KCTD18: variants seen among roughly 807,000 people sequenced by gnomAD.
KCTD18 encodes BTB/POZ domain-containing protein KCTD18.
In KCTD18, 22 loss-of-function variants were observed where a neutral mutation model predicts 30.4. The ratio of observed to expected loss-of-function variants is 0.72; its 90% confidence interval spans 0.52 to 1.03. The LOEUF is 1.03. Ranked by LOEUF, KCTD18 falls within the 50% of genes least tolerant of loss-of-function variation. The probability of loss-of-function intolerance (pLI) is 0.00; values close to 1 mark genes in which losing one functional copy is unlikely to be tolerated. For missense variants in KCTD18, 529 were observed against 547.6 expected (o/e 0.97, Z 0.34); for synonymous variants, 186 against 209.0 (o/e 0.89, Z 0.95).
chr2:200,490,526 G>C lies in KCTD18; in HGVS notation c.855C>G (p.Thr285=). 6.2e-7 allele frequency: 1 copy of C among 1,605,250 alleles called. No homozygotes were observed. The highest frequency in any genetic ancestry group is 8.5e-7 in the Non-Finnish European group (1 of 1,179,966). The change falls in exon 7 of 7, where the codon ACC becomes ACG. Residue 285 remains threonine (T), a synonymous_variant. Coordinates refer to ENST00000359878, the MANE Select transcript of KCTD18 (RefSeq NM_152387.4). ...PVRFLGPSTS[T]QIKVKNSASV... ...AGGCCGAGTTCTTGACTTTAATTTGGGTACTTGTGGAAGGGCCCAAAAATC... is the reference window on the plus strand; with the variant it reads ...AGGCCGAGTTCTTGACTTTAATTTGCGTACTTGTGGAAGGGCCCAAAAATC...
chr2:200,503,224 G>A (rs533499626), intron 3 of KCTD18, among the ~76,000 whole-genome samples: 2 of 152,230 alleles, frequency 1.3e-5, no homozygotes, highest in Admixed American at 6.5e-5. Context: ...AATAGTGCCT[G>A]ACACAAACGA....
At chr2:200,508,922 CGT>C (rs2030357534) in intron 1 of KCTD18, among the ~76,000 whole-genome samples, 1 of 152,182 alleles carries the variant, frequency 6.6e-6, no homozygotes, top group African/African-American at 2.4e-5. Context: ...CTTGCATGAC[CGT>C]CCCACGTATC....
At chr2:200,492,807 A>G (rs2087938755) in intron 6 of KCTD18, among the ~76,000 whole-genome samples, 1 of 149,818 alleles carries the variant, frequency 6.7e-6, no homozygotes, top group Admixed American at 6.7e-5. Flanking sequence ...GCCACAAGAA[A>G]TTTCAAGTAT....
intron 3 of KCTD18, among the ~76,000 whole-genome samples, chr2:200,499,964 G>A (rs1193680299): frequency 6.6e-6 from 1 of 151,900 alleles, no homozygotes; most frequent in Non-Finnish European, 1.5e-5. Context: ...GGGAATGCAA[G>A]GCTGGTTCAA....
chr2:200,506,710 G>A (rs563769511), intron 2 of KCTD18, 147 bp downstream of exon 2: 8 of 622,492 alleles, frequency 1.3e-5, no homozygotes, highest in South Asian at 4.8e-5. Context: ...ATTTCTCCAC[G>A]TACTTAATGA....
chr2:200,489,047 T>G lies in KCTD18; in HGVS notation c.*1053A>C, dbSNP rs929046126. On this transcript the variant is annotated 3_prime_UTR_variant, in exon 7 of 7. Transcript: ENST00000359878. ...TTTCAAAGCAATGAAAGTACAATGA[T>G]AAGCATTTGAATAAAAAGTACCCTG... The G allele has an allele frequency of 1.9e-4, 29 of 152,534 alleles. No homozygotes were observed. Among genetic ancestry groups the G allele is most frequent in the African/African-American group, 6.5e-4 (27 of 41,466 alleles). The allele number at this position is 152,534 out of a possible 1,614,324, so 9.4% of individuals were successfully genotyped here.
intron 4 of KCTD18, 101 bp from the exon 5 acceptor site, chr2:200,497,948 G>A: frequency 1.1e-5 from 9 of 819,308 alleles, no homozygotes; most frequent in African/African-American, 1.7e-5. Context: ...GTTAATTAAG[G>A]GAAAAAACAT....
At position 200,490,324 on chromosome 2, in the gene KCTD18, C is replaced by T; in HGVS notation, c.1057G>A (p.Glu353Lys). The part of the protein sequence containing the change: ...PQASPGAASA[E>K]NGGTHLPPAK... ...GGAGGTAAGTGCGTGCCTCCATTTT[C>T]AGCGCTCGCAGCCCCAGGGGAAGCC... Residue 353 changes from glutamate (E) to lysine (K), a missense_variant, in exon 7 of 7, where the codon GAA becomes AAA. Coordinates refer to ENST00000359878, the MANE Select transcript of KCTD18 (RefSeq NM_152387.4). The T allele has an allele frequency of 1.2e-6, 2 of 1,614,242 alleles. No individual in the cohort carries two copies. Among genetic ancestry groups the T allele is most frequent in the Non-Finnish European group, 1.7e-6 (2 of 1,180,046 alleles).
intron 3 of KCTD18, among the ~76,000 whole-genome samples, chr2:200,502,283 TATA>T (rs565851093): frequency 1.3e-5 from 2 of 151,738 alleles, no homozygotes; most frequent in Non-Finnish European, 2.9e-5. Context: ...AACTTAAAAG[TATA>T]ATAATAATAA....
intron 6 of KCTD18, among the ~76,000 whole-genome samples, chr2:200,491,212 C>T (rs1196207323): frequency 1.3e-5 from 2 of 152,096 alleles, no homozygotes; most frequent in Non-Finnish European, 2.9e-5. Context: ...CACGTGGGAG[C>T]TGGCTGTTTA....
rs191716717 is a variant in KCTD18 at position 200,508,050 on chromosome 2, C to A, written c.-75-959G>T. 2.9e-4 allele frequency among the ~76,000 whole-genome samples: 44 copies of A among 152,276 alleles called. No individual in the cohort carries two copies. In the East Asian group the frequency reaches 7.7e-3, roughly 27 times the overall value. ...ATAACACCTCCAAATCATCCAGCTT[C>A]TTCACTGTGAAATGGATGAAGCTTT... is the stretch of plus-strand genomic sequence containing the variant. On this transcript the variant is annotated intron_variant, in intron 1 of 6. Transcript: ENST00000359878.
Position 200,490,120 on chromosome 2 carries a change from C to G in KCTD18, c.1261G>C (p.Gly421Arg). The change falls in exon 7 of 7, where the codon GGG (glycine) becomes CGG (arginine). Residue 421 changes from glycine to arginine, a missense_variant. Gly to Arg is a moderately radical substitution (Grantham distance 125). Coordinates refer to ENST00000359878, the MANE Select transcript of KCTD18 (RefSeq NM_152387.4). Reference protein sequence around the residue: ...ARALGVRTENGKNKGN With the variant: ...ARALGVRTENRKNKGN ...TTTCATCAATTTCCCTTGTTCTTCC[C>G]GTTCTCAGTCCGCACTCCCAAGGCA... 2 of 1,582,374 alleles carry G rather than the reference C, an allele frequency of 1.3e-6. No individual in the cohort carries two copies. The highest frequency in any genetic ancestry group is 1.1e-5 in the South Asian group (1 of 88,592).
In KCTD18 at chr2:200,498,148, C is replaced by T. The variant is rs138291306; in HGVS notation, c.567-301G>A. On this transcript the variant is annotated intron_variant, in intron 4 of 6. Transcript: ENST00000359878. ...ATATCAAGTTTTTAAAAAAAATCAG[C>T]GAACTCCAATGAACTTAGAAAATAT... is the stretch of plus-strand genomic sequence containing the variant. 2.8e-3 allele frequency among the ~76,000 whole-genome samples: 425 copies of T among 152,090 alleles called. 5 individuals are homozygous for T. Among genetic ancestry groups the T allele is most frequent in the African/African-American group, 9.4e-3 (389 of 41,488 alleles).
chr2:200,498,016 A>G, intron 4 of KCTD18, among the ~76,000 whole-genome samples, 169 bp from the exon 5 acceptor site: 1 of 152,228 alleles, frequency 6.6e-6, no homozygotes, highest in East Asian at 1.9e-4. Flanking sequence ...ACACAGATAC[A>G]TATGTACACA....
chr2:200,493,263 A>G lies in KCTD18; in HGVS notation c.673T>C (p.Trp225Arg), dbSNP rs751163160. 9 of 1,598,716 alleles carry G rather than the reference A, an allele frequency of 5.6e-6. No homozygotes were observed. The African/African-American group carries it at 8.0e-5, about 14-fold the overall frequency. ...DAWEGKGVSY[W>R]RVPHELIECW... Reference sequence around the variant, plus strand: ...TCTATCAGCTCATGAGGCACCCGCCAGTAGCTAACACCTGGAAGGTAAAAA... The same window carrying G: ...TCTATCAGCTCATGAGGCACCCGCCGGTAGCTAACACCTGGAAGGTAAAAA... Residue 225 changes from tryptophan (W) to arginine (R), a missense_variant, in exon 6 of 7, where the codon TGG becomes CGG. Physicochemically the swap from Trp to Arg is moderately radical, Grantham distance 101 (BLOSUM62 -3). Coordinates refer to ENST00000359878, the MANE Select transcript of KCTD18 (RefSeq NM_152387.4).
At chr2:200,497,292 A>G (rs1249413128) in intron 5 of KCTD18, 1 of 160,606 alleles carries the variant, frequency 6.2e-6, no homozygotes, top group Non-Finnish European at 1.4e-5. Context: ...GGGATATAAA[A>G]CAGCATTATT....
chr2:200,504,927 A>C lies in KCTD18; in HGVS notation c.193T>G (p.Phe65Val). 1 of 1,614,152 alleles carries C rather than the reference A, an allele frequency of 6.2e-7. No individual in the cohort carries two copies. The highest frequency in any genetic ancestry group is 8.5e-7 in the Non-Finnish European group (1 of 1,179,998). ...TGAAGGTAATCCAAAAGGTATTTAAATAGACGTCCATCACGGTCAATAACA... is the reference window on the plus strand; with the variant it reads ...TGAAGGTAATCCAAAAGGTATTTAACTAGACGTCCATCACGGTCAATAACA... ...ACVIDRDGRLFKYLLDYLHGE... is the reference protein window; with the variant it reads ...ACVIDRDGRLVKYLLDYLHGE... Residue 65 changes from phenylalanine to valine, a missense_variant, in exon 3 of 7, where the codon TTT becomes GTT. Phe to Val is a conservative substitution (Grantham distance 50, BLOSUM62 -1). Transcript: ENST00000359878.
intron 2 of KCTD18, among the ~76,000 whole-genome samples, chr2:200,505,649 C>T (rs944446680): frequency 6.6e-6 from 1 of 152,122 alleles, no homozygotes; most frequent in Non-Finnish European, 1.5e-5. Context: ...GAGGTTCTCA[C>T]TAAAGAGAGC....
At chr2:200,502,008 A>G (rs1156340529) in intron 3 of KCTD18, among the ~76,000 whole-genome samples, 1 of 152,050 alleles carries the variant, frequency 6.6e-6, no homozygotes, top group Non-Finnish European at 1.5e-5. Context: ...GAAATTGGAA[A>G]TCATCATTCT....
Sources: allele counts gnomAD v4.1 joint callset (sites outside exome capture counted in the v4.1 genomes callset), GRCh38; gene constraint gnomAD v4.1.1; transcripts MANE v1.5; gene names NCBI Gene and HGNC (gene_info 2026-07-23, HGNC 2026-07-21).